MTSS1: variants seen among roughly 807,000 people sequenced by gnomAD.
MTSS1 encodes MTSS I-BAR domain containing 1, also known as protein MTSS 1.
Under a neutral mutation model 79.0 loss-of-function variants are expected in MTSS1, and 18 were observed. The ratio of observed to expected loss-of-function variants is 0.23; its 90% CI spans 0.16 to 0.34. MTSS1 has a LOEUF of 0.34. Ranked by LOEUF, MTSS1 falls within the 10% of genes least tolerant of loss-of-function variation. The pLI is 1.00. For synonymous variants in MTSS1, 341 were observed against 368.6 expected (o/e 0.93, Z 0.86); for missense variants, 815 against 986.2 (o/e 0.83, Z 2.33).
At chr8:124,640,216 A>C (rs1273163608) in intron 3 of MTSS1, among the ~76,000 whole-genome samples, 1 of 152,230 alleles carries the variant, frequency 6.6e-6, no homozygotes, top group Non-Finnish European at 1.5e-5. Flanking sequence ...TCACTGAGCC[A>C]AGGCTGAGAA....
At chr8:124,632,563 GGTT>G (rs1816199515) in intron 3 of MTSS1, among the ~76,000 whole-genome samples, 1 of 152,132 alleles carries the variant, frequency 6.6e-6, no homozygotes. Flanking sequence ...CCAGCCAAAG[GGTT>G]GTTGTCATCT....
chr8:124,589,116 T>G (rs1831381320), intron 5 of MTSS1, among the ~76,000 whole-genome samples: 1 of 152,026 alleles, frequency 6.6e-6, no homozygotes, highest in African/African-American at 2.4e-5. Flanking sequence ...CTGCAACCTC[T>G]GACTCCCGGG....
intron 3 of MTSS1, among the ~76,000 whole-genome samples, chr8:124,668,641 C>T (rs1346860026): frequency 2.0e-5 from 3 of 152,202 alleles, no homozygotes; most frequent in Non-Finnish European, 4.4e-5. Flanking sequence ...AAAATTCATA[C>T]CTCTGAACGG....
intron 3 of MTSS1, among the ~76,000 whole-genome samples, chr8:124,685,786 A>T (rs1447099114): frequency 1.3e-5 from 2 of 152,258 alleles, no homozygotes; most frequent in Non-Finnish European, 2.9e-5. Flanking sequence ...TAATAATTAT[A>T]AAAAATACTT....
rs145051988 is a variant in MTSS1 at position 124,666,861 on chromosome 8, C to A, written c.208+32665G>T. Among the ~76,000 whole-genome samples, 568 of 152,022 alleles carry A rather than the reference C, an allele frequency of 3.7e-3. 6 individuals carry two copies. Among genetic ancestry groups the A allele is most frequent in the African/African-American group, 0.012 (491 of 41,456 alleles). On this transcript the variant is annotated intron_variant, in intron 3 of 13. Transcript: ENST00000518547. Reference sequence around the variant, plus strand: ...AAAGAGGGAAGAGGGGTGATCAGATCTGAACTAAGGAAAGAAAATCCATCA... The same window carrying A: ...AAAGAGGGAAGAGGGGTGATCAGATATGAACTAAGGAAAGAAAATCCATCA...
intron 3 of MTSS1, among the ~76,000 whole-genome samples, chr8:124,627,754 A>T (rs1815004449): frequency 6.6e-6 from 1 of 152,274 alleles, no homozygotes; most frequent in Non-Finnish European, 1.5e-5. Context: ...CTTAAAGGTC[A>T]GCCTGAGCTT....
At chr8:124,589,484 G>T in intron 5 of MTSS1, 136 bp downstream of exon 5, 1 of 633,568 alleles carries the variant, frequency 1.6e-6, no homozygotes. Flanking sequence ...CGTGCCTACA[G>T]GAGAGTAGGG....
chr8:124,641,045 G>C (rs1229568396), intron 3 of MTSS1, among the ~76,000 whole-genome samples: 1 of 151,242 alleles, frequency 6.6e-6, no homozygotes, highest in Non-Finnish European at 1.5e-5. Context: ...AATTACAAAA[G>C]CAAGTACATG....
intron 3 of MTSS1, among the ~76,000 whole-genome samples, chr8:124,695,755 C>T (rs1186499968): frequency 2.0e-5 from 3 of 152,006 alleles, no homozygotes; most frequent in African/African-American, 7.3e-5. Context: ...CTATAATATA[C>T]TATGCAGTAA....
At chr8:124,599,199 G>A (rs1457347199) in intron 3 of MTSS1, among the ~76,000 whole-genome samples, 1 of 151,080 alleles carries the variant, frequency 6.6e-6, no homozygotes, top group Non-Finnish European at 1.5e-5. Context: ...AAAGATCTAA[G>A]TAGCCGGGTG....
At chr8:124,695,393 T>C (rs1462180754) in intron 3 of MTSS1, among the ~76,000 whole-genome samples, 2 of 151,940 alleles carry the variant, frequency 1.3e-5, no homozygotes, top group Non-Finnish European at 2.9e-5. Context: ...GGATATTCTT[T>C]CTGGAGAAGG....
At chr8:124,566,926 TGTG>T in intron 8 of MTSS1, 142 bp downstream of exon 8, 1 of 648,426 alleles carries the variant, frequency 1.5e-6, no homozygotes, top group Non-Finnish European at 2.7e-6. Context: ...AACAGCTCGC[TGTG>T]GTGATTTCAT....
chr8:124,630,105 G>T (rs1815623816), intron 3 of MTSS1, among the ~76,000 whole-genome samples: 1 of 152,178 alleles, frequency 6.6e-6, no homozygotes, highest in African/African-American at 2.4e-5. Flanking sequence ...TAGACCAAAG[G>T]CATTTACATT....
rs1830294960 is a variant in MTSS1, at chr8:124,582,971, A to G, written c.460+2116T>C. 6.6e-6 allele frequency among the ~76,000 whole-genome samples: 1 copy of G among 152,276 alleles called. No homozygotes were observed. The highest frequency in any genetic ancestry group is 1.5e-5 in the Non-Finnish European group (1 of 68,052). ...GCTTTCATCCCAGAAATATACAAAT[A>G]GAACACCTGGTCCAAAACTGCACTT... is the stretch of plus-strand genomic sequence containing the variant. On this transcript the variant is annotated intron_variant, in intron 6 of 13. Coordinates refer to ENST00000518547, the MANE Select transcript of MTSS1 (RefSeq NM_014751.6). The surrounding 1 kb of genome is among the most constrained non-coding windows in gnomAD (Gnocchi z 4.8).
intron 3 of MTSS1, among the ~76,000 whole-genome samples, chr8:124,622,438 C>T (rs1473866930): frequency 2.1e-5 from 3 of 145,574 alleles, no homozygotes; most frequent in Non-Finnish European, 4.5e-5. Flanking sequence ...TGAATTATAC[C>T]GGGGATTTCT....
At chr8:124,565,546 C>T (rs1826215981) in intron 9 of MTSS1, 116 bp downstream of exon 9, 1 of 829,506 alleles carries the variant, frequency 1.2e-6, no homozygotes, top group Admixed American at 2.7e-5. Flanking sequence ...CTCATCATCC[C>T]ATTTCCTGTT....
chr8:124,685,042 GTAAATAAA>G (rs899435895), intron 3 of MTSS1, among the ~76,000 whole-genome samples: 1 of 152,072 alleles, frequency 6.6e-6, no homozygotes, highest in Middle Eastern at 3.2e-3. Context: ...TTTTCTCATG[GTAAATAAA>G]TAAATAAATA....
intron 5 of MTSS1, among the ~76,000 whole-genome samples, chr8:124,588,139 T>G (rs536796529): frequency 6.6e-6 from 1 of 152,340 alleles, no homozygotes; most frequent in South Asian, 2.1e-4. Context: ...CCGGCAACTT[T>G]CTGGTGGCTA....
In MTSS1 at chr8:124,728,326, G is replaced by C. The variant is rs1834025807; in HGVS notation, c.-371C>G. ...GGGCCAGCGCCATTGAAAAACGCAA[G>C]ATTTTCCAATTTAATAAATTTTTCT... On this transcript the variant is annotated 5_prime_UTR_variant, in exon 1 of 14. The change creates a new upstream start codon in the 5' untranslated region. Coordinates refer to ENST00000518547, the MANE Select transcript of MTSS1 (RefSeq NM_014751.6). The surrounding 1 kb of genome is among the most constrained non-coding windows in gnomAD (Gnocchi z 6.1). 5.7e-6 allele frequency: 1 copy of C among 174,630 alleles called. No homozygotes were observed. The highest frequency in any genetic ancestry group is 1.2e-5 in the Non-Finnish European group (1 of 83,324). 10.8% of individuals were successfully genotyped at this position (174,630 alleles called of 1,614,324 possible). A position where few individuals can be genotyped will look rare whatever the true frequency, so the allele number is the denominator to read the frequency against.
Sources: allele counts gnomAD v4.1 joint callset (sites outside exome capture counted in the v4.1 genomes callset), GRCh38; gene constraint gnomAD v4.1.1; non-coding constraint Gnocchi (gnomAD v3.1); transcripts MANE v1.5; gene names NCBI Gene and HGNC (gene_info 2026-07-23, HGNC 2026-07-21).